The following CTDSPL variants were observed in gnomAD, a reference collection of about 807,000 sequenced individuals.
CTDSPL encodes the protein CTD small phosphatase-like protein.
In CTDSPL, 8 loss-of-function variants were observed where a neutral mutation model predicts 30.5. That is an observed-to-expected ratio of 0.26 (90% confidence interval 0.15 to 0.47). The LOEUF (loss-of-function observed/expected upper bound fraction) is 0.47, where lower values mean the gene tolerates loss of function less well. Among genes scored for constraint, CTDSPL ranks in the 20% least tolerant of loss-of-function variants. The probability of loss-of-function intolerance (pLI) is 0.99; values close to 1 mark genes in which losing one functional copy is unlikely to be tolerated. For synonymous variants in CTDSPL, 110 were observed against 137.9 expected, an observed-to-expected ratio of 0.80 and a Z score of 1.42; for missense variants, 248 against 366.1, an observed-to-expected ratio of 0.68 and a Z score of 2.63.
chr3:37,903,278 A>C (rs576972968), intron 1 of CTDSPL, among the ~76,000 whole-genome samples: 90 of 152,328 alleles, frequency 5.9e-4, no homozygotes, highest in African/African-American at 2.0e-3. Flanking sequence ...TCTCATTCCT[A>C]GCTAGTAAGA....
At chr3:37,889,198 C>T (rs1698296079) in intron 1 of CTDSPL, among the ~76,000 whole-genome samples, 1 of 152,162 alleles carries the variant, frequency 6.6e-6, no homozygotes, top group South Asian at 2.1e-4. Flanking sequence ...CATGTACTCC[C>T]TCCTCAATAC....
intron 1 of CTDSPL, among the ~76,000 whole-genome samples, chr3:37,922,305 A>G (rs1698726653): frequency 6.6e-6 from 1 of 151,746 alleles, no homozygotes; most frequent in African/African-American, 2.4e-5. Flanking sequence ...CCTATAAGTT[A>G]CTCTCTGAGT....
intron 1 of CTDSPL, among the ~76,000 whole-genome samples, chr3:37,899,209 A>G (rs995997277): frequency 1.3e-5 from 2 of 152,224 alleles, no homozygotes; most frequent in South Asian, 2.1e-4. Context: ...CTACAAGCAT[A>G]TAGATGATAT....
chr3:37,881,742 T>C (rs1222989713), intron 1 of CTDSPL, among the ~76,000 whole-genome samples: 3 of 151,926 alleles, frequency 2.0e-5, no homozygotes, highest in Non-Finnish European at 4.4e-5. Context: ...TTCTATATAG[T>C]GTATGGATAT....
At chr3:37,882,029 C>T (rs956808837) in intron 1 of CTDSPL, among the ~76,000 whole-genome samples, 6 of 152,122 alleles carry the variant, frequency 3.9e-5, no homozygotes, top group African/African-American at 1.4e-4. Flanking sequence ...AATATTAGGC[C>T]GGGCGTGGTG....
chr3:37,902,968 C>T (rs1698469128), intron 1 of CTDSPL, among the ~76,000 whole-genome samples: 1 of 152,174 alleles, frequency 6.6e-6, no homozygotes, highest in Non-Finnish European at 1.5e-5. Context: ...GAGCTGTGCT[C>T]CAAGAAACAC....
intron 1 of CTDSPL, among the ~76,000 whole-genome samples, chr3:37,912,624 A>G (rs986205078): frequency 6.6e-6 from 1 of 152,232 alleles, no homozygotes; most frequent in Admixed American, 6.5e-5. Context: ...GCAAAAATGC[A>G]CTGGAATCCA....
In CTDSPL at chr3:37,862,238, C is replaced by T. The variant is rs954021719; in HGVS notation, c.39C>T (p.Pro13=). ...CCATCATCACCCAGGTGACCAACCC[C>T]AAGGAGGACGAGGGCCGGTTGCCGG... is the stretch of plus-strand genomic sequence containing the variant. ...GPAIITQVTN[P]KEDEGRLPGA... The change falls in exon 1 of 8, where the codon CCC becomes CCT. Residue 13 remains proline, a synonymous_variant. Transcript: ENST00000273179. This position sits in a 1 kb window ranked among gnomAD's most constrained non-coding sequence, Gnocchi z 4.3. The T allele has an allele frequency of 8.1e-6, 12 of 1,487,758 alleles. No homozygotes were observed. The African/African-American group carries it at 8.8e-5, about 11-fold the overall frequency. 92.2% of individuals were successfully genotyped at this position (1,487,758 alleles called of 1,614,324 possible).
chr3:37,945,145 T>C lies in CTDSPL; in HGVS notation c.80-1912T>C, dbSNP rs145725027. On this transcript the variant is annotated intron_variant, in intron 1 of 7. Coordinates refer to ENST00000273179, the MANE Select transcript of CTDSPL (RefSeq NM_001008392.2). ...ATCAGCCAGGGAAAAGATTTTTTTT[T>C]CCCCCTGACTAAATTATCTGGGTGT... Among the ~76,000 whole-genome samples the C allele has an allele frequency of 3.9e-4, 59 of 150,094 alleles. 1 individual carries two copies. Among genetic ancestry groups the C allele is most frequent in the African/African-American group, 1.3e-3 (54 of 41,310 alleles).
intron 2 of CTDSPL, among the ~76,000 whole-genome samples, chr3:37,949,328 A>G (rs183232895): frequency 1.3e-5 from 2 of 152,304 alleles, no homozygotes; most frequent in East Asian, 3.9e-4. Flanking sequence ...CTTTATGGAC[A>G]TAATTATGAA....
In CTDSPL at chr3:37,916,461, T is replaced by G. The variant is rs548877556; in HGVS notation, c.80-30596T>G. 5.9e-5 allele frequency among the ~76,000 whole-genome samples: 9 copies of G among 152,258 alleles called. No individual in the cohort carries two copies. The South Asian group carries it at 1.9e-3, about 32-fold the overall frequency. ...TCGTTGCAAATGTAAGTAGTTAAGG[T>G]AAGGTCGTACTGGAGGAGGGTGGAC... On this transcript the variant is annotated intron_variant, in intron 1 of 7. Coordinates refer to ENST00000273179, the MANE Select transcript of CTDSPL (RefSeq NM_001008392.2).
chr3:37,956,455 A>T (rs1025358931), intron 2 of CTDSPL, among the ~76,000 whole-genome samples: 1 of 152,230 alleles, frequency 6.6e-6, no homozygotes, highest in Non-Finnish European at 1.5e-5. Context: ...AAGTGTTTCC[A>T]TCAATTAGGT....
chr3:37,883,045 C>T (rs557666253), intron 1 of CTDSPL, among the ~76,000 whole-genome samples: 2 of 152,286 alleles, frequency 1.3e-5, no homozygotes, highest in African/African-American at 2.4e-5. Context: ...GAATGATTTG[C>T]CAGTTCTACC....
chr3:37,870,409 C>A (rs1698059238), intron 1 of CTDSPL, among the ~76,000 whole-genome samples: 1 of 151,876 alleles, frequency 6.6e-6, no homozygotes, highest in African/African-American at 2.4e-5. Context: ...AGTGTTATGC[C>A]CTGTTTCATT....
At chr3:37,897,850 G>A (rs965676441) in intron 1 of CTDSPL, among the ~76,000 whole-genome samples, 1 of 152,178 alleles carries the variant, frequency 6.6e-6, no homozygotes, top group Non-Finnish European at 1.5e-5. Context: ...ACTGCCATTA[G>A]TAAGTTTGCC....
chr3:37,975,879 C>T lies in CTDSPL; in HGVS notation c.690C>T (p.Phe230=), dbSNP rs1575326044. The T allele has an allele frequency of 1.9e-6, 3 of 1,613,582 alleles. No homozygotes were observed. In the East Asian group the frequency reaches 6.7e-5, roughly 36 times the overall value. ...IVDNSPASYI[F]HPENAVPVQS... is the part of the protein sequence containing the mutation. Reference sequence around the variant, plus strand: ...ACAATTCCCCTGCCTCATACATCTTCCATCCTGAGAATGCAGTAAGTGGCC... The same window carrying T: ...ACAATTCCCCTGCCTCATACATCTTTCATCCTGAGAATGCAGTAAGTGGCC... The change falls in exon 7 of 8, where the codon TTC becomes TTT. Residue 230 remains phenylalanine, a synonymous_variant. Transcript: ENST00000273179. The surrounding 1 kb of genome is among the most constrained non-coding windows in gnomAD (Gnocchi z 4.9).
chr3:37,937,794 G>T (rs1698932768), intron 1 of CTDSPL, among the ~76,000 whole-genome samples: 1 of 150,302 alleles, frequency 6.7e-6, no homozygotes, highest in Non-Finnish European at 1.5e-5. Context: ...ATTTAGCAGG[G>T]ATGTTGCTAA....
At chr3:37,969,129 T>C (rs1233524246) in intron 5 of CTDSPL, among the ~76,000 whole-genome samples, 1 of 152,266 alleles carries the variant, frequency 6.6e-6, no homozygotes, top group Non-Finnish European at 1.5e-5. Context: ...GCATTTATCA[T>C]CTTGGCTTGT....
At chr3:37,980,674 G>T in intron 7 of CTDSPL, 68 bp from the exon 8 acceptor site, 1 of 1,562,004 alleles carries the variant, frequency 6.4e-7, no homozygotes, top group Non-Finnish European at 8.7e-7. Context: ...CCGGGTACCC[G>T]GTTAGGTTAG....
Sources: gnomAD v4.1 joint callset for allele counts (sites outside exome capture counted in the v4.1 genomes callset) on GRCh38, gnomAD v4.1.1 for gene constraint, Gnocchi (gnomAD v3.1) non-coding constraint, MANE v1.5 for transcripts, NCBI Gene and HGNC (gene_info 2026-07-23, HGNC 2026-07-21) for gene names.